KAZN: variants seen among roughly 807,000 people sequenced by gnomAD.
The protein encoded by KAZN is kazrin, periplakin interacting protein, also known as kazrin.
Under a neutral mutation model 87.4 loss-of-function variants are expected in KAZN, and 40 were observed. The ratio of observed to expected loss-of-function variants is 0.46; its 90% CI spans 0.36 to 0.60. KAZN has a LOEUF of 0.60. KAZN is among the 20% of genes least tolerant of loss of function. The probability of loss-of-function intolerance (pLI) is 0.00; values close to 1 mark genes in which losing one functional copy is unlikely to be tolerated. For missense variants in KAZN, 898 were observed against 1,073.9 expected, an observed-to-expected ratio of 0.84 and a Z score of 2.29; for synonymous variants, 466 against 458.3, an observed-to-expected ratio of 1.02 and a Z score of -0.22.
At chr1:14,921,203 C>T (rs1572834135) in intron 1 of KAZN, among the ~76,000 whole-genome samples, 1 of 150,926 alleles carries the variant, frequency 6.6e-6, no homozygotes, top group African/African-American at 2.4e-5. Flanking sequence ...CACAGAGCCA[C>T]GGCCAAACTG....
chr1:14,686,734 T>C (rs1640976975), intron 1 of KAZN, among the ~76,000 whole-genome samples: 1 of 152,204 alleles, frequency 6.6e-6, no homozygotes, highest in Non-Finnish European at 1.5e-5. Flanking sequence ...CAGAGACCTC[T>C]GTACCTCTGG....
chr1:14,916,759 A>T lies in KAZN; in HGVS notation c.227-43925A>T, dbSNP rs377631638. On this transcript the variant is annotated intron_variant, in intron 1 of 14. Coordinates refer to ENST00000376030, the MANE Select transcript of KAZN (RefSeq NM_201628.3). ...AGACCCTATATCTACAAAAAAAATT[A>T]AAAATTAGCTGGGCATGGTGGTGGC... 5.9e-5 allele frequency among the ~76,000 whole-genome samples: 9 copies of T among 152,146 alleles called. 1 individual carries two copies. Among genetic ancestry groups the T allele is most frequent in the African/African-American group, 2.2e-4 (9 of 41,494 alleles).
chr1:13,913,798 G>A (rs1010819924), intron 1 of KAZN, among the ~76,000 whole-genome samples: 8 of 152,120 alleles, frequency 5.3e-5, no homozygotes, highest in Non-Finnish European at 8.8e-5. Flanking sequence ...TCTCAGCCCC[G>A]CCCCAGAAAT....
chr1:14,550,532 A>ATTATTT (rs994126804), intron 2 of KAZN, among the ~76,000 whole-genome samples: 14 of 151,842 alleles, frequency 9.2e-5, no homozygotes, highest in Non-Finnish European at 5.9e-5. Flanking sequence ...TAAATTTTCT[A>ATTATTT]TTATTTTCTT....
chr1:14,260,054 A>G (rs1650888628), intron 2 of KAZN, among the ~76,000 whole-genome samples: 2 of 152,246 alleles, frequency 1.3e-5, no homozygotes, highest in African/African-American at 4.8e-5. Flanking sequence ...TTCAATTTCT[A>G]CACTCCTGAA....
intron 2 of KAZN, among the ~76,000 whole-genome samples, chr1:14,327,503 GCT>G (rs1377499839): frequency 4.6e-5 from 7 of 152,318 alleles, no homozygotes; most frequent in African/African-American, 1.4e-4. Context: ...TTGGAGCTAA[GCT>G]CTGTCTCTGC....
intron 2 of KAZN, among the ~76,000 whole-genome samples, chr1:14,577,574 A>G (rs1675269790): frequency 6.6e-6 from 1 of 152,078 alleles, no homozygotes; most frequent in Non-Finnish European, 1.5e-5. Context: ...GGGAGATGGG[A>G]GCCCTTCTGG....
chr1:14,315,830 A>G (rs193061492), intron 2 of KAZN, among the ~76,000 whole-genome samples: 39 of 152,108 alleles, frequency 2.6e-4, no homozygotes, highest in Admixed American at 6.6e-4. Flanking sequence ...TTTCCAATTT[A>G]TGGCTTCTAT....
At chr1:14,368,212 G>A (rs756924539) in intron 2 of KAZN, among the ~76,000 whole-genome samples, 5 of 152,174 alleles carry the variant, frequency 3.3e-5, no homozygotes, top group South Asian at 2.1e-4. Flanking sequence ...GCAGGGACAA[G>A]CTTGGCTTCT....
chr1:14,509,834 G>T (rs1295217161), intron 2 of KAZN, among the ~76,000 whole-genome samples: 4 of 152,172 alleles, frequency 2.6e-5, no homozygotes, highest in African/African-American at 7.2e-5. Flanking sequence ...GCCCTTTTTG[G>T]ATAGAGAGAT....
intron 1 of KAZN, among the ~76,000 whole-genome samples, chr1:14,664,810 C>T (rs528024466): frequency 8.6e-5 from 13 of 152,040 alleles, no homozygotes; most frequent in Admixed American, 5.2e-4. Context: ...CCCACCACCA[C>T]GCCTGGCTAA....
rs1407640006 is a variant in KAZN, at chr1:14,078,474, GT to G, written c.92-101960del. Among the ~76,000 whole-genome samples the G allele has an allele frequency of 2.6e-5, 4 of 152,318 alleles. No homozygotes were observed. In the East Asian group the frequency reaches 7.7e-4, roughly 29 times the overall value. On this transcript the variant is annotated intron_variant, in intron 1 of 16. Coordinates refer to the KAZN transcript ENST00000636203. The stretch of plus-strand genomic sequence containing the variant: ...TAAGAGAGGGACCAAATCTGTCTTA[GT>G]CCATTTGGGCTGCTCTAGCTAAATA...
chr1:14,067,336 C>G (rs1241066859), intron 1 of KAZN, among the ~76,000 whole-genome samples: 2 of 152,136 alleles, frequency 1.3e-5, no homozygotes, highest in Non-Finnish European at 2.9e-5. Context: ...GAAACTTTCC[C>G]CCTCCTTTGG....
chr1:14,565,859 A>G (rs1231208530), intron 2 of KAZN, among the ~76,000 whole-genome samples: 1 of 152,128 alleles, frequency 6.6e-6, no homozygotes, highest in East Asian at 1.9e-4. Flanking sequence ...TCCACTTCTA[A>G]TTGTAGCTCT....
chr1:13,910,896 A>C (rs759592332), intron 1 of KAZN, among the ~76,000 whole-genome samples: 1 of 152,018 alleles, frequency 6.6e-6, no homozygotes, highest in Non-Finnish European at 1.5e-5. Flanking sequence ...TTGGCTCACA[A>C]TTCTGTAGGC....
intron 2 of KAZN, among the ~76,000 whole-genome samples, chr1:14,504,075 G>A (rs770528558): frequency 2.0e-5 from 3 of 152,180 alleles, no homozygotes; most frequent in South Asian, 2.1e-4. Flanking sequence ...TAGTCGCTTT[G>A]ATTGACTCAC....
intron 1 of KAZN, among the ~76,000 whole-genome samples, chr1:13,950,541 A>G (rs953575231): frequency 2.0e-5 from 3 of 152,168 alleles, no homozygotes; most frequent in Admixed American, 2.0e-4. Flanking sequence ...TCCTTACTAG[A>G]CTATCAGGAA....
intron 4 of KAZN, among the ~76,000 whole-genome samples, chr1:15,053,382 A>T (rs2100459827): frequency 6.6e-6 from 1 of 152,324 alleles, no homozygotes; most frequent in South Asian, 2.1e-4. Context: ...TAAACAAAAA[A>T]GTTACCCCAT....
intron 1 of KAZN, among the ~76,000 whole-genome samples, chr1:13,984,172 G>A (rs60604990): frequency 0.041 from 6,283 of 152,052 alleles, 438 homozygotes; most frequent in African/African-American, 0.14. Flanking sequence ...CACCATGCCC[G>A]GCTAATTTTT....
Sources: gnomAD v4.1 joint callset for allele counts (sites outside exome capture counted in the v4.1 genomes callset) on GRCh38, gnomAD v4.1.1 for gene constraint, MANE v1.5 for transcripts, NCBI Gene and HGNC (gene_info 2026-07-23, HGNC 2026-07-21) for gene names.